The following LRRC1 variants were observed in gnomAD, a reference collection of about 807,000 sequenced individuals.
LRRC1 encodes leucine-rich repeat-containing protein 1.
LRRC1 carries 28 observed loss-of-function variants against 69.9 expected under a neutral mutation model. The ratio of observed to expected loss-of-function variants is 0.40; its 90% CI spans 0.30 to 0.55. The LOEUF is 0.55. Ranked by LOEUF, LRRC1 falls within the 20% of genes least tolerant of loss-of-function variation. LRRC1 has a pLI of 0.47. For missense variants in LRRC1, 498 were observed against 609.0 expected, an observed-to-expected ratio of 0.82 and a Z score of 1.92; for synonymous variants, 236 against 240.2, an observed-to-expected ratio of 0.98 and a Z score of 0.16.
At chr6:53,921,408 T>C (rs897123120) in intron 13 of LRRC1, among the ~76,000 whole-genome samples, 1 of 152,242 alleles carries the variant, frequency 6.6e-6, no homozygotes, top group Non-Finnish European at 1.5e-5. Flanking sequence ...CTTCCCATGT[T>C]GACTCCATTC....
At chr6:53,803,254 A>G (rs980878243) in intron 1 of LRRC1, among the ~76,000 whole-genome samples, 8 of 152,304 alleles carry the variant, frequency 5.3e-5, no homozygotes, top group Middle Eastern at 3.4e-3. Context: ...GATCCCAGAC[A>G]TGGTCTTGCT....
Position 53,920,639 on chromosome 6 carries a change from T to C in LRRC1, c.1294T>C (p.Cys432Arg), listed in dbSNP as rs1768710173. Residue 432 changes from cysteine to arginine, a missense_variant, in exon 13 of 14, where the codon TGT (cysteine) becomes CGT (arginine). Around this residue, in one of 3 missense-constraint regions of LRRC1, gnomAD observed 162 missense variants for 162.9 expected, o/e 0.99. Transcript: ENST00000370888. Reference sequence around the variant, plus strand: ...TGTCACTGCAGAGAATCTGCCTCGCTGTGGTGCACTGGAGAACTTGGTAAA... The same window carrying C: ...TGTCACTGCAGAGAATCTGCCTCGCCGTGGTGCACTGGAGAACTTGGTAAA... ...EPTCQENLPR[C>R]GALENLVNDV... The C allele has an allele frequency of 6.2e-7, 1 of 1,614,092 alleles. No homozygotes were observed. Among genetic ancestry groups the C allele is most frequent in the Admixed American group, 1.7e-5 (1 of 60,010 alleles).
chr6:53,918,924 G>A (rs1768652067), intron 11 of LRRC1: 1 of 152,144 alleles, frequency 6.6e-6, no homozygotes, highest in African/African-American at 2.4e-5. Context: ...GTTTAGAAGG[G>A]AATAACTGAA....
intron 12 of LRRC1, among the ~76,000 whole-genome samples, chr6:53,920,326 G>C (rs986939916): frequency 2.0e-5 from 3 of 152,192 alleles, no homozygotes; most frequent in Admixed American, 1.3e-4. Flanking sequence ...TCTAAATTAT[G>C]ACATTCTGTG....
At chr6:53,888,542 C>G in intron 4 of LRRC1, among the ~76,000 whole-genome samples, 1 of 152,162 alleles carries the variant, frequency 6.6e-6, no homozygotes. Context: ...TCTACAGACT[C>G]ATCTTAAGCC....
chr6:53,849,652 G>C (rs941379301), intron 2 of LRRC1, among the ~76,000 whole-genome samples: 4 of 152,202 alleles, frequency 2.6e-5, no homozygotes, highest in Non-Finnish European at 2.9e-5. Context: ...AAAGGGACTT[G>C]AGCCAAGAGG....
chr6:53,841,503 C>T (rs1233880489), intron 1 of LRRC1, among the ~76,000 whole-genome samples: 3 of 151,998 alleles, frequency 2.0e-5, no homozygotes, highest in Non-Finnish European at 4.4e-5. Context: ...TATTTATGTT[C>T]ATGTGTATAT....
chr6:53,839,021 G>C (rs1216348395), intron 1 of LRRC1, among the ~76,000 whole-genome samples: 2 of 151,842 alleles, frequency 1.3e-5, no homozygotes, highest in African/African-American at 4.8e-5. Context: ...TTCTTTTTAA[G>C]TTATATTTGC....
chr6:53,899,824 T>C lies in LRRC1; in HGVS notation c.720T>C (p.Ser240=). Reference sequence around the variant, plus strand: ...TGGAAAGACTTCCTGAAGAAATCAGTGGCCTGACTTCATTAACGGATTTAG... The same window carrying C: ...TGGAAAGACTTCCTGAAGAAATCAGCGGCCTGACTTCATTAACGGATTTAG... ...NRLERLPEEI[S]GLTSLTDLVI... The change falls in exon 8 of 14, where the codon AGT becomes AGC. Residue 240 remains serine, a synonymous_variant. Coordinates refer to ENST00000370888, the MANE Select transcript of LRRC1 (RefSeq NM_018214.5). 3 of 1,613,838 alleles carry C rather than the reference T, an allele frequency of 1.9e-6. No individual in the cohort carries two copies. The highest frequency in any genetic ancestry group is 2.5e-6 in the Non-Finnish European group (3 of 1,179,684).
Position 53,919,720 on chromosome 6 carries a change from A to T in LRRC1, c.1279+50A>T, listed in dbSNP as rs201251835. 8 of 1,527,336 alleles carry T rather than the reference A, an allele frequency of 5.2e-6. No individual in the cohort carries two copies. In the East Asian group the frequency reaches 1.6e-4, roughly 31 times the overall value. 94.6% of individuals were successfully genotyped at this position (1,527,336 alleles called of 1,614,324 possible). Reference sequence around the variant, plus strand: ...TCACAGGGCCACGAGATTGAGTAGGACCTAATGTCTGTCCATAAGGCCTCT... The same window carrying T: ...TCACAGGGCCACGAGATTGAGTAGGTCCTAATGTCTGTCCATAAGGCCTCT... On this transcript the variant is annotated intron_variant, in intron 12 of 13. Coordinates refer to ENST00000370888, the MANE Select transcript of LRRC1 (RefSeq NM_018214.5).
intron 12 of LRRC1, 124 bp from the exon 13 acceptor site, chr6:53,920,501 C>A: frequency 1.1e-6 from 1 of 949,102 alleles, no homozygotes; most frequent in Non-Finnish European, 1.6e-6. Context: ...AGAACACCCC[C>A]CTTATTTCTG....
intron 2 of LRRC1, among the ~76,000 whole-genome samples, chr6:53,860,113 G>C (rs1411267707): frequency 6.6e-6 from 1 of 152,180 alleles, no homozygotes; most frequent in Non-Finnish European, 1.5e-5. Context: ...CATTTTCAGA[G>C]TGAGATTCAG....
intron 1 of LRRC1, among the ~76,000 whole-genome samples, chr6:53,830,013 G>A (rs934582657): frequency 6.6e-6 from 1 of 152,226 alleles, no homozygotes; most frequent in African/African-American, 2.4e-5. Flanking sequence ...TGTTTCTGCA[G>A]AGGAACCAGC....
rs545802864 is a variant in LRRC1 at position 53,898,310 on chromosome 6, C to A, written c.642+951C>A. Among the ~76,000 whole-genome samples the A allele has an allele frequency of 2.6e-5, 4 of 152,224 alleles. No individual in the cohort carries two copies. In the South Asian group the frequency reaches 8.3e-4, roughly 32 times the overall value. ...CAACTCTTGTGGGTAGAGTTCGATT[C>A]GTACTTAGATTTCTCTAGGAAATAT... On this transcript the variant is annotated intron_variant, in intron 7 of 13. Coordinates refer to ENST00000370888, the MANE Select transcript of LRRC1 (RefSeq NM_018214.5).
intron 1 of LRRC1, among the ~76,000 whole-genome samples, chr6:53,810,829 A>T (rs77681213): frequency 0.19 from 28,981 of 152,154 alleles, 2,997 homozygotes; most frequent in Middle Eastern, 0.33. Context: ...GGTGCTGTCC[A>T]TTCTGCTCAG....
Position 53,899,749 on chromosome 6 carries a change from A to C in LRRC1, c.645A>C (p.Glu215Asp), listed in dbSNP as rs780736899. The change falls in exon 8 of 14, where the codon GAA (glutamate) becomes GAC (aspartate). Residue 215 changes from glutamate (E) to aspartate (D), a missense_variant and splice_region_variant. Around this residue, in one of 3 missense-constraint regions of LRRC1, gnomAD observed 266 missense variants for 383.9 expected, o/e 0.69. Coordinates refer to ENST00000370888, the MANE Select transcript of LRRC1 (RefSeq NM_018214.5). ...DGNQLSELPQEIGNLKNLLCL... is the reference protein window; with the variant it reads ...DGNQLSELPQDIGNLKNLLCL... ...ATTTTTCCATGTCATTGTTATAGGA[A>C]ATAGGAAATCTGAAGAACCTGCTGT... The C allele has an allele frequency of 6.2e-7, 1 of 1,613,660 alleles. No individual in the cohort carries two copies. Among genetic ancestry groups the C allele is most frequent in the Non-Finnish European group, 8.5e-7 (1 of 1,179,826 alleles).
At chr6:53,814,460 A>G (rs959934255) in intron 1 of LRRC1, among the ~76,000 whole-genome samples, 6 of 152,182 alleles carry the variant, frequency 3.9e-5, no homozygotes, top group Non-Finnish European at 7.3e-5. Context: ...GTTTCTTTGA[A>G]GGTATTTACC....
intron 1 of LRRC1, among the ~76,000 whole-genome samples, chr6:53,821,035 G>C (rs1362159952): frequency 6.6e-6 from 1 of 152,142 alleles, no homozygotes; most frequent in Admixed American, 6.5e-5. Context: ...TTATTCCAGA[G>C]AGCACTTATG....
intron 10 of LRRC1, among the ~76,000 whole-genome samples, chr6:53,911,607 G>T (rs566925947): frequency 1.3e-5 from 2 of 152,170 alleles, no homozygotes; most frequent in Non-Finnish European, 2.9e-5. Flanking sequence ...CGCTAGCGGG[G>T]GTCTTCAGCC....
Sources: allele counts gnomAD v4.1 joint callset (sites outside exome capture counted in the v4.1 genomes callset), GRCh38; gene constraint gnomAD v4.1.1; regional missense constraint gnomAD v4.1.1; transcripts MANE v1.5; gene names NCBI Gene and HGNC (gene_info 2026-07-23, HGNC 2026-07-21).